NEGR1: variants seen among roughly 807,000 people sequenced by gnomAD.
The protein encoded by NEGR1 is neuronal growth regulator 1.
NEGR1 carries 10 observed loss-of-function variants against 40.9 expected under a neutral mutation model. That is an observed-to-expected ratio of 0.24 (90% CI 0.15 to 0.42). NEGR1 has a LOEUF of 0.42. NEGR1 is among the 10% of genes least tolerant of loss of function. The pLI is 1.00. For missense variants in NEGR1, 352 were observed against 438.9 expected, an observed-to-expected ratio of 0.80 and a Z score of 1.77; for synonymous variants, 185 against 166.8, an observed-to-expected ratio of 1.11 and a Z score of -0.84.
Position 71,935,158 on chromosome 1 carries a change from C to T in NEGR1, c.330G>A (p.Val110=), listed in dbSNP as rs772358480. The T allele has an allele frequency of 6.2e-7, 1 of 1,613,702 alleles. No individual in the cohort carries two copies. The highest frequency in any genetic ancestry group is 1.3e-5 in the African/African-American group (1 of 74,888). The change falls in exon 2 of 7, where the codon GTG becomes GTA. Residue 110 remains valine (V), a synonymous_variant. Transcript: ENST00000357731. ...DYSLQIQNVD[V]TDDGPYTCSV... is the part of the protein sequence containing the mutation. ...AACACGTGTATGGGCCATCATCTGT[C>T]ACATCTACATTCTGTATCTGGAGGC... is the stretch of plus-strand genomic sequence containing the variant.
intron 4 of NEGR1, among the ~76,000 whole-genome samples, chr1:71,650,339 C>A (rs1651670560): frequency 6.6e-6 from 1 of 152,118 alleles, no homozygotes; most frequent in South Asian, 2.1e-4. Flanking sequence ...GTAATGACTC[C>A]ATACAGATGG....
At chr1:72,241,015 C>T (rs1266101212) in intron 1 of NEGR1, among the ~76,000 whole-genome samples, 1 of 151,546 alleles carries the variant, frequency 6.6e-6, no homozygotes, top group African/African-American at 2.4e-5. Context: ...GATTAAAGTC[C>T]CAGGATGCTC....
chr1:72,224,471 T>C (rs1409097638), intron 1 of NEGR1, among the ~76,000 whole-genome samples: 12 of 152,118 alleles, frequency 7.9e-5, no homozygotes, highest in Non-Finnish European at 1.5e-4. Flanking sequence ...GACACACAAA[T>C]GCAAATGCAC....
At chr1:71,690,565 AACACACACACACACACAC>A (rs3980432) in intron 4 of NEGR1, among the ~76,000 whole-genome samples, 6 of 119,272 alleles carry the variant, frequency 5.0e-5, no homozygotes, top group African/African-American at 1.6e-4. Context: ...TAAGTTATAT[AACACACACACACACACAC>A]ACACACACAC....
chr1:72,204,184 AG>A (rs1653312814), intron 1 of NEGR1, among the ~76,000 whole-genome samples: 1 of 152,110 alleles, frequency 6.6e-6, no homozygotes, highest in African/African-American at 2.4e-5. Flanking sequence ...ACTTTGTGAT[AG>A]CCTGAATTAA....
At chr1:71,696,627 G>A (rs1230191412) in intron 4 of NEGR1, among the ~76,000 whole-genome samples, 1 of 151,742 alleles carries the variant, frequency 6.6e-6, no homozygotes, top group African/African-American at 2.4e-5. Flanking sequence ...CATGGCTAGT[G>A]ATAAATGATC....
At chr1:71,925,688 T>C (rs532453686) in intron 2 of NEGR1, among the ~76,000 whole-genome samples, 2 of 151,940 alleles carry the variant, frequency 1.3e-5, no homozygotes, top group Non-Finnish European at 2.9e-5. Context: ...AAATTCCTAA[T>C]TGCCTTTATA....
chr1:72,155,180 T>G (rs1651313719), intron 1 of NEGR1, among the ~76,000 whole-genome samples: 2 of 152,042 alleles, frequency 1.3e-5, no homozygotes. Context: ...TTTTCATCAT[T>G]GATAAAACCA....
At chr1:71,946,691 T>C (rs546023381) in intron 1 of NEGR1, among the ~76,000 whole-genome samples, 177 of 151,684 alleles carry the variant, frequency 1.2e-3, no homozygotes, top group Middle Eastern at 3.4e-3. Context: ...ATGCTGTATA[T>C]AAATTAGCAT....
chr1:71,824,283 T>A (rs116114348), intron 2 of NEGR1, among the ~76,000 whole-genome samples: 1 of 151,888 alleles, frequency 6.6e-6, no homozygotes. Context: ...ACACTTTTTT[T>A]ATTGAAAATA....
intron 1 of NEGR1, among the ~76,000 whole-genome samples, chr1:72,011,300 T>C (rs1169395011): frequency 1.3e-5 from 2 of 152,100 alleles, no homozygotes; most frequent in Admixed American, 6.6e-5. Flanking sequence ...ATGCAGTTGG[T>C]ATTAGAATAA....
chr1:71,992,474 C>A (rs190309868), intron 1 of NEGR1, among the ~76,000 whole-genome samples: 1 of 151,614 alleles, frequency 6.6e-6, no homozygotes, highest in Non-Finnish European at 1.5e-5. Context: ...TTTCTAGTGA[C>A]CAACTTAAAA....
intron 3 of NEGR1, among the ~76,000 whole-genome samples, chr1:71,750,694 A>T (rs903917433): frequency 1.3e-5 from 2 of 152,034 alleles, no homozygotes; most frequent in African/African-American, 4.8e-5. Flanking sequence ...CTCCCATAAC[A>T]TGTGGGAATG....
rs1444098712 is a variant in NEGR1 at position 71,928,359 on chromosome 1, T to TACACAC, written c.409+6719_409+6720insGTGTGT. Among the ~76,000 whole-genome samples, 95 of 93,422 alleles carry TACACAC rather than the reference T, an allele frequency of 1.0e-3. 11 individuals are homozygous for TACACAC. Among genetic ancestry groups the TACACAC allele is most frequent in the Admixed American group, 2.6e-3 (18 of 6,798 alleles). 61.3% of individuals were successfully genotyped at this position (93,422 alleles called of 152,430 possible). ...ATATATACACACATGTGTATATATA[T>TACACAC]ATACACATATGTATATATGTATATA... On this transcript the variant is annotated intron_variant, in intron 2 of 6. Transcript: ENST00000357731.
At chr1:71,815,473 G>A (rs1045256630) in intron 2 of NEGR1, among the ~76,000 whole-genome samples, 1 of 152,000 alleles carries the variant, frequency 6.6e-6, no homozygotes, top group African/African-American at 2.4e-5. Context: ...TTAATTTTCT[G>A]TCTCAATTAT....
intron 1 of NEGR1, among the ~76,000 whole-genome samples, chr1:72,005,279 C>G (rs1489382846): frequency 2.0e-5 from 3 of 151,982 alleles, no homozygotes; most frequent in Non-Finnish European, 2.9e-5. Context: ...ATGCAAAATA[C>G]CCCAATCTAC....
chr1:71,845,923 CTTTTT>C (rs368324879), intron 2 of NEGR1, among the ~76,000 whole-genome samples: 2,796 of 110,694 alleles, frequency 0.025, 133 homozygotes, highest in East Asian at 0.23. Context: ...CGGCACCTGG[CTTTTT>C]TTTTTTTTTT....
At chr1:71,686,695 C>T (rs1043705982) in intron 4 of NEGR1, among the ~76,000 whole-genome samples, 57 of 152,162 alleles carry the variant, frequency 3.7e-4, no homozygotes, top group African/African-American at 1.3e-3. Context: ...CGATAAATTA[C>T]CTTTACCCCA....
At chr1:71,991,067 G>C (rs927645173) in intron 1 of NEGR1, among the ~76,000 whole-genome samples, 5 of 151,670 alleles carry the variant, frequency 3.3e-5, no homozygotes, top group African/African-American at 1.2e-4. Context: ...AAAACTGAGT[G>C]GTATTCTAGA....
Sources: gnomAD v4.1 joint callset for allele counts (sites outside exome capture counted in the v4.1 genomes callset) on GRCh38, gnomAD v4.1.1 for gene constraint, MANE v1.5 for transcripts, NCBI Gene and HGNC (gene_info 2026-07-23, HGNC 2026-07-21) for gene names.